The following CSK variants were observed in gnomAD, a reference collection of about 807,000 sequenced individuals.
The protein encoded by CSK is C-terminal Src kinase.
In CSK, 7 loss-of-function variants were observed where a neutral mutation model predicts 62.3. The observed-to-expected ratio is 0.11, with a 90% CI of 0.06 to 0.21. The LOEUF is 0.21. CSK is among the 10% of genes least tolerant of loss of function. The probability of loss-of-function intolerance (pLI) is 1.00; values close to 1 mark genes in which losing one functional copy is unlikely to be tolerated. For synonymous variants in CSK, 237 were observed against 246.0 expected, an observed-to-expected ratio of 0.96 and a Z score of 0.34; for missense variants, 294 against 613.5, an observed-to-expected ratio of 0.48 and a Z score of 5.50.
rs202236681 is a variant in CSK, at chr15:74,802,368, A to G, written c.1208A>G (p.Tyr403Cys). 9.8e-5 allele frequency: 157 copies of G among 1,609,994 alleles called. No individual in the cohort carries two copies. The highest frequency in any genetic ancestry group is 1.3e-4 in the Non-Finnish European group (152 of 1,179,136). ...KDVVPRVEKGYKMDAPDGCPP... is the reference protein window; with the variant it reads ...KDVVPRVEKGCKMDAPDGCPP... ...GTCGTCCCTCGGGTGGAGAAGGGCT[A>G]CAAGATGGATGCCCCCGACGGCTGC... The change falls in exon 13 of 13, where the codon TAC becomes TGC. Residue 403 changes from tyrosine to cysteine, a missense_variant. Physicochemically the swap from Tyr to Cys is radical, Grantham distance 194. Transcript: ENST00000220003.
chr15:74,798,580 A>T lies in CSK; in HGVS notation c.16-35A>T, dbSNP rs1432288700. 6.3e-7 allele frequency: 1 copy of T among 1,588,296 alleles called. No individual in the cohort carries two copies. Among genetic ancestry groups the T allele is most frequent in the Non-Finnish European group, 8.6e-7 (1 of 1,158,822 alleles). ...GCCAGCAGGTGGCTGGAGGGGGCCCAGGCTGCACCCGCCCACGTGTCACCT... is the reference window on the plus strand; with the variant it reads ...GCCAGCAGGTGGCTGGAGGGGGCCCTGGCTGCACCCGCCCACGTGTCACCT... On this transcript the variant is annotated intron_variant, in intron 2 of 12. Transcript: ENST00000220003. The surrounding 1 kb of genome is among the most constrained non-coding windows in gnomAD (Gnocchi z 6.6).
chr15:74,786,013 T>TTTTTTTTTTTTGTG, intron 1 of CSK, among the ~76,000 whole-genome samples: 1 of 47,816 alleles, frequency 2.1e-5, no homozygotes, highest in African/African-American at 6.7e-5. Flanking sequence ...TTTTTTTTTT[T>TTTTTTTTTTTTGTG]TGTGTGTGTG....
At chr15:74,793,099 C>T (rs1036963798) in intron 1 of CSK, 1 of 152,242 alleles carries the variant, frequency 6.6e-6, no homozygotes, top group Non-Finnish European at 1.5e-5. Context: ...GCAGCTCCCA[C>T]TTGCAAGATG....
In CSK at chr15:74,798,082, C is replaced by A; in HGVS notation, c.-65-151C>A. The A allele has an allele frequency of 1.8e-6, 1 of 562,654 alleles. No homozygotes were observed. The highest frequency in any genetic ancestry group is 3.1e-6 in the Non-Finnish European group (1 of 318,134). The allele number at this position is 562,654 out of a possible 1,614,324, so 34.9% of individuals were successfully genotyped here. ...CTCATGCTCCTCTACCCAGTACCGT[C>A]AGCCTGCCAGGACTGGAGAGAATGG... On this transcript the variant is annotated intron_variant, in intron 1 of 12. Coordinates refer to ENST00000220003, the MANE Select transcript of CSK (RefSeq NM_004383.3). The surrounding 1 kb of genome is among the most constrained non-coding windows in gnomAD (Gnocchi z 6.6).
intron 5 of CSK, 35 bp from the exon 6 acceptor site, chr15:74,800,377 C>T (rs2063770735): frequency 6.3e-7 from 1 of 1,597,468 alleles, no homozygotes; most frequent in Non-Finnish European, 8.6e-7. Context: ...GCACCTTGGG[C>T]TGTCTCTGAG....
In CSK at chr15:74,798,483, G is replaced by A; in HGVS notation, c.16-132G>A. On this transcript the variant is annotated intron_variant, in intron 2 of 12. Coordinates refer to ENST00000220003, the MANE Select transcript of CSK (RefSeq NM_004383.3). The surrounding 1 kb of genome is among the most constrained non-coding windows in gnomAD (Gnocchi z 6.6). ...GAGTCTCAACAGGAAGGGACCCAGG[G>A]CTCGTTCTCCGGGCAGAGCACCTCA... 8.2e-7 allele frequency: 1 copy of A among 1,217,766 alleles called. No homozygotes were observed. The highest frequency in any genetic ancestry group is 1.2e-6 in the Non-Finnish European group (1 of 843,880). The allele number at this position is 1,217,766 out of a possible 1,614,324, so 75.4% of individuals were successfully genotyped here.
In CSK at chr15:74,782,447, C is replaced by G. The variant is rs1367108827; in HGVS notation, c.-339C>G. The G allele has an allele frequency of 2.0e-5, 3 of 151,790 alleles. No individual in the cohort carries two copies. Among genetic ancestry groups the G allele is most frequent in the African/African-American group, 7.2e-5 (3 of 41,404 alleles). 9.4% of individuals were successfully genotyped at this position (151,790 alleles called of 1,614,324 possible). A position where few individuals can be genotyped will look rare whatever the true frequency, so the allele number is the denominator to read the frequency against. On this transcript the variant is annotated 5_prime_UTR_variant, in exon 1 of 13. Coordinates refer to ENST00000220003, the MANE Select transcript of CSK (RefSeq NM_004383.3). The surrounding 1 kb of genome is among the most constrained non-coding windows in gnomAD (Gnocchi z 5.7). ...AGTGGCGGCGCTCGGAAGCGGAACTCTGCCGGGGCCGCGCCGGCTACATTG... is the reference window on the plus strand; with the variant it reads ...AGTGGCGGCGCTCGGAAGCGGAACTGTGCCGGGGCCGCGCCGGCTACATTG...
chr15:74,802,690 G>A lies in CSK; in HGVS notation c.*177G>A. On this transcript the variant is annotated 3_prime_UTR_variant, in exon 13 of 13. Transcript: ENST00000220003. ...CGTCTCTCTTGGACCCACCTGTGGG[G>A]CCTGGGGAGCCCACTGAGGGGCCAG... 1.4e-6 allele frequency: 1 copy of A among 727,364 alleles called. No individual in the cohort carries two copies. Among genetic ancestry groups the A allele is most frequent in the Non-Finnish European group, 2.1e-6 (1 of 484,316 alleles). 45.1% of individuals were successfully genotyped at this position (727,364 alleles called of 1,614,324 possible). A position where few individuals can be genotyped will look rare whatever the true frequency, so the allele number is the denominator to read the frequency against.
At chr15:74,791,805 G>GCC (rs532072902) in intron 1 of CSK, among the ~76,000 whole-genome samples, 1 of 152,004 alleles carries the variant, frequency 6.6e-6, no homozygotes, top group African/African-American at 2.4e-5. Context: ...TGGCAGGAAC[G>GCC]CCCCCCCGGG....
chr15:74,783,048 G>A (rs2063460990), intron 1 of CSK, among the ~76,000 whole-genome samples: 1 of 152,194 alleles, frequency 6.6e-6, no homozygotes, highest in African/African-American at 2.4e-5. Context: ...CAGGTCCCTA[G>A]AGAGAGTGCT....
chr15:74,783,531 C>T (rs533664048), intron 1 of CSK, among the ~76,000 whole-genome samples: 1 of 152,348 alleles, frequency 6.6e-6, no homozygotes, highest in Non-Finnish European at 1.5e-5. Context: ...GTTAGGCTGG[C>T]TGTCCTTTCA....
intron 1 of CSK, among the ~76,000 whole-genome samples, chr15:74,789,254 ATTC>A (rs1474586290): frequency 6.6e-6 from 1 of 152,182 alleles, no homozygotes; most frequent in Non-Finnish European, 1.5e-5. Context: ...CAGAGCAGGC[ATTC>A]TTCTGTTCCT....
chr15:74,800,941 G>A lies in CSK; in HGVS notation c.722+19G>A. 9.3e-6 allele frequency: 15 copies of A among 1,612,372 alleles called. No homozygotes were observed. Among genetic ancestry groups the A allele is most frequent in the Non-Finnish European group, 1.3e-5 (15 of 1,179,668 alleles). ...TCATGACGTGAGTGGGGGCGGGGTAGGGGGGAGGTTGGCCTAGGTTAGGAG... is the reference window on the plus strand; with the variant it reads ...TCATGACGTGAGTGGGGGCGGGGTAAGGGGGAGGTTGGCCTAGGTTAGGAG... On this transcript the variant is annotated intron_variant, in intron 8 of 12. Transcript: ENST00000220003.
chr15:74,801,458 G>A (rs893126639), intron 9 of CSK, 64 bp from the exon 10 acceptor site: 20 of 1,521,512 alleles, frequency 1.3e-5, no homozygotes, highest in South Asian at 1.2e-4. Flanking sequence ...CGGCCCCAGC[G>A]TGCTGTGTGA....
intron 1 of CSK, chr15:74,790,681 G>C (rs1261476706): frequency 6.6e-6 from 1 of 152,272 alleles, no homozygotes; most frequent in Admixed American, 6.5e-5. Context: ...ATGAGACCTC[G>C]GTGTGGTACA....
chr15:74,795,328 G>T (rs1335903964), intron 1 of CSK, among the ~76,000 whole-genome samples: 2 of 152,124 alleles, frequency 1.3e-5, no homozygotes, highest in African/African-American at 4.8e-5. Flanking sequence ...AACAGAGCAA[G>T]ACTCCGTCGC....
intron 1 of CSK, among the ~76,000 whole-genome samples, chr15:74,793,993 T>C (rs2141806755): frequency 6.6e-6 from 1 of 152,270 alleles, no homozygotes; most frequent in South Asian, 2.1e-4. Flanking sequence ...TAACTAGCTA[T>C]GTGACTTCAG....
At chr15:74,785,947 C>T (rs541567699) in intron 1 of CSK, among the ~76,000 whole-genome samples, 18 of 151,762 alleles carry the variant, frequency 1.2e-4, no homozygotes, top group African/African-American at 2.9e-4. Context: ...ATTCCCCTTC[C>T]GGTCTCCCAG....
At chr15:74,793,388 C>A (rs1378939) in intron 1 of CSK, 6,127 of 146,476 alleles carry the variant, frequency 0.042, 411 homozygotes, top group African/African-American at 0.14. Flanking sequence ...GCTGCTTCTG[C>A]CTCCTCCCTC....
Sources: gnomAD v4.1 joint callset for allele counts (sites outside exome capture counted in the v4.1 genomes callset) on GRCh38, gnomAD v4.1.1 for gene constraint, Gnocchi (gnomAD v3.1) non-coding constraint, MANE v1.5 for transcripts, NCBI Gene and HGNC (gene_info 2026-07-23, HGNC 2026-07-21) for gene names.